The following SLC25A41 variants were observed in gnomAD, a reference collection of about 807,000 sequenced individuals.
SLC25A41 encodes the protein mitochondrial carrier protein SCaMC-3L.
In SLC25A41, 35 loss-of-function variants were observed where a neutral mutation model predicts 34.7. That is an observed-to-expected ratio of 1.01 (90% confidence interval 0.77 to 1.34). The LOEUF is 1.34. Among genes scored for constraint, SLC25A41 ranks in the 40% most tolerant of loss-of-function variants. The probability of loss-of-function intolerance (pLI) is 0.00; values close to 1 mark genes in which losing one functional copy is unlikely to be tolerated. For missense variants in SLC25A41, 492 were observed against 489.8 expected (o/e 1.00, Z -0.04); for synonymous variants, 190 against 209.9 (o/e 0.91, Z 0.82).
intron 2 of SLC25A41, chr19:6,430,457 C>G (rs1568350989): frequency 4.2e-6 from 2 of 475,648 alleles, no homozygotes; most frequent in African/African-American, 2.1e-5. Context: ...TTTTTGTTCC[C>G]TCCCTCCCTC....
At chr19:6,432,523 T>C (rs2092290373) in intron 1 of SLC25A41, among the ~76,000 whole-genome samples, 1 of 148,026 alleles carries the variant, frequency 6.8e-6, no homozygotes, top group Non-Finnish European at 1.5e-5. Flanking sequence ...GGTTTCACTA[T>C]GTTGGCCAGG....
chr19:6,433,279 C>T (rs540621503), intron 1 of SLC25A41, among the ~76,000 whole-genome samples: 1 of 152,182 alleles, frequency 6.6e-6, no homozygotes, highest in South Asian at 2.1e-4. Context: ...GAACTCCTGT[C>T]CTCAAGTGAC....
Position 6,427,160 on chromosome 19 carries a change from A to G in SLC25A41, c.883T>C (p.Cys295Arg). The change falls in exon 6 of 7, where the codon TGT becomes CGT. Residue 295 changes from cysteine (C) to arginine (R), a missense_variant. Cys to Arg is a radical substitution (Grantham distance 180). Transcript: ENST00000321510. This position sits in a 1 kb window ranked among gnomAD's most constrained non-coding sequence, Gnocchi z 4.9. ...SLSSVTLSTT[C>R]GQMASYPLTL... ...AGTGGGTAGCTGGCCATCTGGCCACAGGTCGTGGATAGCGTCACAGACGAC... is the reference window on the plus strand; with the variant it reads ...AGTGGGTAGCTGGCCATCTGGCCACGGGTCGTGGATAGCGTCACAGACGAC... 6.2e-7 allele frequency: 1 copy of G among 1,611,264 alleles called. No homozygotes were observed. Among genetic ancestry groups the G allele is most frequent in the South Asian group, 1.1e-5 (1 of 90,796 alleles).
intron 2 of SLC25A41, among the ~76,000 whole-genome samples, chr19:6,430,961 G>A (rs1039314644): frequency 1.2e-4 from 18 of 151,580 alleles, no homozygotes; most frequent in African/African-American, 3.4e-4. Context: ...CTACAGGTGC[G>A]TGCTACCATG....
intron 2 of SLC25A41, among the ~76,000 whole-genome samples, chr19:6,431,166 T>C (rs183411972): frequency 0.011 from 1,605 of 152,064 alleles, 17 homozygotes; most frequent in South Asian, 0.029. Flanking sequence ...TTTGTAGAGA[T>C]GTGGTCTGAC....
intron 1 of SLC25A41, among the ~76,000 whole-genome samples, chr19:6,432,522 A>T (rs1326394589): frequency 9.6e-6 from 1 of 104,614 alleles, no homozygotes; most frequent in African/African-American, 3.9e-5. Flanking sequence ...GGGTTTCACT[A>T]TGTTGGCCAG....
chr19:6,429,615 A>C (rs1297352077), intron 4 of SLC25A41, 109 bp downstream of exon 4: 1 of 639,290 alleles, frequency 1.6e-6, no homozygotes, highest in Non-Finnish European at 2.4e-6. Flanking sequence ...TGTGAGAAAA[A>C]AGGAGGAGAA....
intron 1 of SLC25A41, 49 bp from the exon 2 acceptor site, chr19:6,432,253 C>T (rs1466059566): frequency 5.0e-6 from 8 of 1,585,494 alleles, no homozygotes; most frequent in Non-Finnish European, 2.6e-6. Context: ...GTTGGGGCAC[C>T]TTCCCCAGAC....
rs772619871 is a variant in SLC25A41 at position 6,427,332 on chromosome 19, ACCTCATAGACAG to A, written c.782_792+1del. On this transcript the variant is annotated splice_donor_variant and coding_sequence_variant, in exon 5 of 7. Coordinates refer to ENST00000321510, the MANE Select transcript of SLC25A41 (RefSeq NM_173637.4). LOFTEE classifies it high-confidence loss of function. The surrounding 1 kb of genome is among the most constrained non-coding windows in gnomAD (Gnocchi z 4.9). ...CTGCCACCCCCTCTGCAGGACCCAT[ACCTCATAGACAG>A]CCAGGTCGGTGCAGGCATAGGGGAT... 1 of 1,605,386 alleles carries A rather than the reference ACCTCATAGACAG, an allele frequency of 6.2e-7. No homozygotes were observed. The highest frequency in any genetic ancestry group is 1.3e-5 in the African/African-American group (1 of 74,910).
At position 6,429,023 on chromosome 19, in the gene SLC25A41, T is replaced by TTATATATATATATATATATATATA. The variant is rs1188926856; in HGVS notation, c.624+700_624+701insTATATATATATATATATATATATA. ...GAGCCAAGGTGTCTGGCCTGAAAAT[T>TTATATATATATATATATATATATA]TATATATATATATATAATATATATA... On this transcript the variant is annotated intron_variant, in intron 4 of 6. Transcript: ENST00000321510. 3.9e-5 allele frequency among the ~76,000 whole-genome samples: 2 copies of TTATATATATATATATATATATATA among 51,866 alleles called. 1 individual carries two copies. The highest frequency in any genetic ancestry group is 6.2e-5 in the Non-Finnish European group (2 of 32,060). 34.0% of individuals were successfully genotyped at this position (51,866 alleles called of 152,430 possible). A position where few individuals can be genotyped will look rare whatever the true frequency, so the allele number is the denominator to read the frequency against.
At chr19:6,433,426 C>A in intron 1 of SLC25A41, 61 bp downstream of exon 1, 1 of 1,536,338 alleles carries the variant, frequency 6.5e-7, no homozygotes, top group Non-Finnish European at 9.0e-7. Flanking sequence ...GCGTGGGTAG[C>A]CTGGCCTCTC....
rs780053662 is a variant in SLC25A41, at chr19:6,426,389, C to G, written c.1113G>C (p.Ter371TyrextTer17). ...YEAMKKTLGI[*>Y] ...TAGGCTGTGTCGTCCAGCTCACAGC[C>G]TATATGCCCAGGGTTTTCTTCATGG... The change falls in exon 7 of 7, where the codon TAG becomes TAC. Residue 371 changes from the stop codon to tyrosine (Y), a stop_lost. Transcript: ENST00000321510. 6.2e-7 allele frequency: 1 copy of G among 1,612,978 alleles called. No individual in the cohort carries two copies. The highest frequency in any genetic ancestry group is 1.7e-5 in the Admixed American group (1 of 59,994).
chr19:6,427,616 G>A lies in SLC25A41; in HGVS notation c.625-115C>T. On this transcript the variant is annotated intron_variant, in intron 4 of 6. Transcript: ENST00000321510. The surrounding 1 kb of genome is among the most constrained non-coding windows in gnomAD (Gnocchi z 4.9). ...AAAATGAGGCTCAGGAAGGCAAAGA[G>A]CTGGGTTTCAGACCCGGATCTGTCA... is the stretch of plus-strand genomic sequence containing the variant. 8.1e-7 allele frequency: 1 copy of A among 1,236,656 alleles called. No individual in the cohort carries two copies. The highest frequency in any genetic ancestry group is 1.8e-5 in the South Asian group (1 of 54,888). 76.6% of individuals were successfully genotyped at this position (1,236,656 alleles called of 1,614,324 possible). A position where few individuals can be genotyped will look rare whatever the true frequency, so the allele number is the denominator to read the frequency against.
intron 6 of SLC25A41, 90 bp from the exon 7 acceptor site, chr19:6,426,651 G>A (rs1599252027): frequency 1.0e-5 from 15 of 1,472,464 alleles, no homozygotes; most frequent in Middle Eastern, 2.5e-4. Flanking sequence ...CTGAAGCCAC[G>A]GGTAGGGGCC....
At chr19:6,426,993 G>T in intron 6 of SLC25A41, 110 bp downstream of exon 6, 1 of 1,227,158 alleles carries the variant, frequency 8.1e-7, no homozygotes, top group Non-Finnish European at 1.1e-6. Context: ...AAAGTGGGCT[G>T]GGATCAGACA....
At position 6,427,233 on chromosome 19, in the gene SLC25A41, C is replaced by T; in HGVS notation, c.810G>A (p.Trp270Ter). 6.2e-7 allele frequency: 1 copy of T among 1,612,688 alleles called. No individual in the cohort carries two copies. Among genetic ancestry groups the T allele is most frequent in the Admixed American group, 1.7e-5 (1 of 59,996 alleles). Reference sequence around the variant, plus strand: ...CCCCCATATCCCTGCCTGACTTCACCCAGAAGCACTGGAGCATCTGCAAGA... The same window carrying T: ...CCCCCATATCCCTGCCTGACTTCACTCAGAAGCACTGGAGCATCTGCAAGA... The part of the protein sequence containing the change: ...LAVYEMLQCF[W>*]VKSGRDMGDP... Residue 270 changes from tryptophan to a stop codon, truncating the protein, a stop_gained, in exon 6 of 7, where the codon TGG becomes TGA. Transcript: ENST00000321510. LOFTEE classifies it high-confidence loss of function. This position sits in a 1 kb window ranked among gnomAD's most constrained non-coding sequence, Gnocchi z 4.9.
In SLC25A41 at chr19:6,427,657, T is replaced by C. The variant is rs977418331; in HGVS notation, c.625-156A>G. On this transcript the variant is annotated intron_variant, in intron 4 of 6. Coordinates refer to ENST00000321510, the MANE Select transcript of SLC25A41 (RefSeq NM_173637.4). The surrounding 1 kb of genome is among the most constrained non-coding windows in gnomAD (Gnocchi z 4.9). ...GGATCTGTCAGATTCCATGGAATGC[T>C]CTCTGAATTTTGAGTTCTGAAGCAC... 6.6e-6 allele frequency among the ~76,000 whole-genome samples: 1 copy of C among 152,142 alleles called. No individual in the cohort carries two copies. Among genetic ancestry groups the C allele is most frequent in the Non-Finnish European group, 1.5e-5 (1 of 68,022 alleles).
In SLC25A41 at chr19:6,429,168, TATATATAATA is replaced by T. The variant is rs1568349887; in HGVS notation, c.624+546_624+555del. Among the ~76,000 whole-genome samples, 232 of 44,976 alleles carry T rather than the reference TATATATAATA, an allele frequency of 5.2e-3. 49 individuals carry two copies. Among genetic ancestry groups the T allele is most frequent in the African/African-American group, 0.019 (226 of 12,162 alleles). The allele number at this position is 44,976 out of a possible 152,430, so 29.5% of individuals were successfully genotyped here. The stretch of plus-strand genomic sequence containing the variant: ...TAATATATATATTATATATATAATA[TATATATAATA>T]TATATATGTTATATATATAATATAT... On this transcript the variant is annotated intron_variant, in intron 4 of 6. Coordinates refer to ENST00000321510, the MANE Select transcript of SLC25A41 (RefSeq NM_173637.4).
upstream of SLC25A41, chr19:6,433,790 C>T (rs1057127777): frequency 4.7e-6 from 5 of 1,072,524 alleles, no homozygotes; most frequent in African/African-American, 1.6e-5. Context: ...GTGTGGGGGA[C>T]CAAGAGGAGG....
Sources: gnomAD v4.1 joint callset for allele counts (sites outside exome capture counted in the v4.1 genomes callset) on GRCh38, gnomAD v4.1.1 for gene constraint, Gnocchi (gnomAD v3.1) non-coding constraint, MANE v1.5 for transcripts, NCBI Gene and HGNC (gene_info 2026-07-23, HGNC 2026-07-21) for gene names.